TENT4B: variants seen among roughly 807,000 people sequenced by gnomAD.
The protein encoded by TENT4B is PAP associated domain containing 5.
In TENT4B, 10 loss-of-function variants were observed where a neutral mutation model predicts 75.0. The ratio of observed to expected loss-of-function variants is 0.13; its 90% CI spans 0.08 to 0.23. TENT4B has a LOEUF of 0.23. Ranked by LOEUF, TENT4B falls within the 10% of genes least tolerant of loss-of-function variation. The pLI is 1.00. For synonymous variants in TENT4B, 350 were observed against 357.7 expected (o/e 0.98, Z 0.24); for missense variants, 579 against 893.8 (o/e 0.65, Z 4.49).
intron 2 of TENT4B, among the ~76,000 whole-genome samples, chr16:50,212,024 C>T (rs768482752): frequency 6.6e-5 from 10 of 152,126 alleles, no homozygotes; most frequent in Non-Finnish European, 8.8e-5. Context: ...AGGATTTCTT[C>T]TTGGCTTATT....
intron 1 of TENT4B, 92 bp downstream of exon 1, chr16:50,154,351 C>T: frequency 7.4e-7 from 1 of 1,350,362 alleles, no homozygotes; most frequent in Non-Finnish European, 9.5e-7. Flanking sequence ...GGTCTAGGAG[C>T]GGCCACCCCC....
At chr16:50,228,978 T>C (rs2032176927) in intron 11 of TENT4B, among the ~76,000 whole-genome samples, 174 bp from the exon 12 acceptor site, 1 of 152,170 alleles carries the variant, frequency 6.6e-6, no homozygotes, top group Non-Finnish European at 1.5e-5. Context: ...GTTTTAGAGC[T>C]AAAAAGAACC....
chr16:50,205,100 T>C lies in TENT4B; in HGVS notation c.639-6223T>C, dbSNP rs2030872496. On this transcript the variant is annotated intron_variant, in intron 1 of 11. Coordinates refer to ENST00000561678, the MANE Select transcript of TENT4B (RefSeq NM_001365324.3). ...TGATGAAGTTCTTGTTTTAAAAATA[T>C]ACAGTGGTAATTAACATGTATGCAT... 1.3e-5 allele frequency among the ~76,000 whole-genome samples: 2 copies of C among 152,250 alleles called. 1 individual carries two copies. Among genetic ancestry groups the C allele is most frequent in the Admixed American group, 1.3e-4 (2 of 15,288 alleles).
In TENT4B at chr16:50,232,751, A is replaced by G. The variant is rs1458259624; in HGVS notation, c.*3423A>G. The stretch of plus-strand genomic sequence containing the variant: ...ATCACCATTATTAGGTATTAGTGGT[A>G]GATGTTGCTGATACTTTTATTGGTC... On this transcript the variant is annotated 3_prime_UTR_variant, in exon 12 of 12. Transcript: ENST00000561678. The G allele has an allele frequency of 1.0e-6, 1 of 985,174 alleles. No individual in the cohort carries two copies. The highest frequency in any genetic ancestry group is 1.1e-4 in the East Asian group (1 of 8,824). The allele number at this position is 985,174 out of a possible 1,614,324, so 61.0% of individuals were successfully genotyped here.
At position 50,231,098 on chromosome 16, in the gene TENT4B, A is replaced by G; in HGVS notation, c.*1770A>G. The stretch of plus-strand genomic sequence containing the variant: ...GAAATTAACAATTTTCAATATGTTC[A>G]TATTTTAATTCACAATGGAAAAATG... On this transcript the variant is annotated 3_prime_UTR_variant, in exon 12 of 12. Coordinates refer to ENST00000561678, the MANE Select transcript of TENT4B (RefSeq NM_001365324.3). 1 of 984,694 alleles carries G rather than the reference A, an allele frequency of 1.0e-6. No homozygotes were observed. The highest frequency in any genetic ancestry group is 1.2e-6 in the Non-Finnish European group (1 of 828,844). The allele number at this position is 984,694 out of a possible 1,614,324, so 61.0% of individuals were successfully genotyped here.
intron 1 of TENT4B, among the ~76,000 whole-genome samples, chr16:50,187,584 C>T (rs1000899285): frequency 2.6e-5 from 4 of 152,002 alleles, no homozygotes; most frequent in African/African-American, 4.8e-5. Flanking sequence ...CTCCATCGTG[C>T]GGGGTGGGGG....
intron 1 of TENT4B, among the ~76,000 whole-genome samples, chr16:50,198,620 A>G (rs2030435767): frequency 6.6e-6 from 1 of 152,182 alleles, no homozygotes; most frequent in Admixed American, 6.5e-5. Flanking sequence ...TATAATTTAA[A>G]TTAAAATCCC....
chr16:50,209,239 C>T (rs1316045441), intron 1 of TENT4B, among the ~76,000 whole-genome samples: 1 of 152,186 alleles, frequency 6.6e-6, no homozygotes, highest in Non-Finnish European at 1.5e-5. Flanking sequence ...CGATCACTCA[C>T]AGCAGACTAC....
chr16:50,190,654 C>G (rs992271896), intron 1 of TENT4B, among the ~76,000 whole-genome samples: 2 of 151,964 alleles, frequency 1.3e-5, no homozygotes, highest in African/African-American at 4.8e-5. Flanking sequence ...TGCCACATTT[C>G]GTTAATGACA....
At chr16:50,212,300 T>G (rs1405976472) in intron 2 of TENT4B, among the ~76,000 whole-genome samples, 1 of 152,070 alleles carries the variant, frequency 6.6e-6, no homozygotes, top group Non-Finnish European at 1.5e-5. Flanking sequence ...TCAAGCAATG[T>G]GCCCGCCTTG....
chr16:50,152,917 C>G (rs1249347710), upstream of TENT4B: 2 of 1,481,266 alleles, frequency 1.4e-6, no homozygotes, highest in South Asian at 2.5e-5. Context: ...TGGCACCTCC[C>G]ACAACGCGCT....
rs776389427 is a variant in TENT4B, at chr16:50,227,903, G to C, written c.1865G>C (p.Arg622Pro). 1 of 1,614,000 alleles carries C rather than the reference G, an allele frequency of 6.2e-7. No individual in the cohort carries two copies. Among genetic ancestry groups the C allele is most frequent in the South Asian group, 1.1e-5 (1 of 91,074 alleles). Residue 622 changes from arginine to proline, a missense_variant, in exon 11 of 12, where the codon CGA becomes CCA. Coordinates refer to ENST00000561678, the MANE Select transcript of TENT4B (RefSeq NM_001365324.3). ...QLLCRPSTGNRVGSQDVSLES... is the reference protein window; with the variant it reads ...QLLCRPSTGNPVGSQDVSLES... ...CTTTGCCGTCCGTCCACTGGGAACC[G>C]AGTAGGGTCGCAAGATGTATCCTTG... is the stretch of plus-strand genomic sequence containing the variant.
intron 1 of TENT4B, among the ~76,000 whole-genome samples, chr16:50,182,491 A>T (rs188158657): frequency 6.6e-6 from 1 of 152,338 alleles, no homozygotes; most frequent in African/African-American, 2.4e-5. Context: ...GTATTGTGTC[A>T]TTGTAAAAGA....
intron 1 of TENT4B, among the ~76,000 whole-genome samples, chr16:50,170,238 C>T (rs1409914782): frequency 6.6e-6 from 1 of 151,828 alleles, no homozygotes; most frequent in Non-Finnish European, 1.5e-5. Context: ...CCAGGCTGGA[C>T]TTGAACTCCT....
At chr16:50,164,289 C>T (rs2038058340) in intron 1 of TENT4B, among the ~76,000 whole-genome samples, 1 of 144,280 alleles carries the variant, frequency 6.9e-6, no homozygotes, top group Admixed American at 7.1e-5. Context: ...AGGTGTGAGC[C>T]CATCCTGTTT....
At position 50,228,010 on chromosome 16, in the gene TENT4B, G is replaced by C; in HGVS notation, c.1965+7G>C. 6.2e-7 allele frequency: 1 copy of C among 1,611,880 alleles called. No homozygotes were observed. Among genetic ancestry groups the C allele is most frequent in the African/African-American group, 1.3e-5 (1 of 74,954 alleles). On this transcript the variant is annotated splice_region_variant and intron_variant, in intron 11 of 11. Coordinates refer to ENST00000561678, the MANE Select transcript of TENT4B (RefSeq NM_001365324.3). The stretch of plus-strand genomic sequence containing the variant: ...CAGCACCAACAAATCTCAGGTGTGT[G>C]GAACGTGGGTTTTTAATTGTTAGTA...
At position 50,233,786 on chromosome 16, in the gene TENT4B, A is replaced by C. The variant is rs568893312; in HGVS notation, c.*4458A>C. On this transcript the variant is annotated 3_prime_UTR_variant, in exon 12 of 12. Transcript: ENST00000561678. ...TAGCCTAGTAGCCTGAAAGAAAAGG[A>C]GACAGAACCAGAGAGATGGATGTAG... 368 of 985,438 alleles carry C rather than the reference A, an allele frequency of 3.7e-4. 3 individuals are homozygous for C. The African/African-American group carries it at 5.6e-3, about 15-fold the overall frequency. The allele number at this position is 985,438 out of a possible 1,614,324, so 61.0% of individuals were successfully genotyped here.
At chr16:50,192,591 C>G (rs2029924284) in intron 1 of TENT4B, among the ~76,000 whole-genome samples, 1 of 152,118 alleles carries the variant, frequency 6.6e-6, no homozygotes, top group Admixed American at 6.6e-5. Flanking sequence ...GGGCAGCAGA[C>G]TTTTCCTGTA....
chr16:50,156,916 C>T (rs1231457506), intron 1 of TENT4B, among the ~76,000 whole-genome samples: 3 of 152,142 alleles, frequency 2.0e-5, no homozygotes, highest in Non-Finnish European at 4.4e-5. Flanking sequence ...ACCTTGGCCT[C>T]ACAGAGTGCT....
Sources: allele counts gnomAD v4.1 joint callset (sites outside exome capture counted in the v4.1 genomes callset), GRCh38; gene constraint gnomAD v4.1.1; transcripts MANE v1.5; gene names NCBI Gene and HGNC (gene_info 2026-07-23, HGNC 2026-07-21).